Variants in TENM3 observed in about 807,000 individuals in gnomAD.
TENM3 encodes the protein teneurin-3.
Under a neutral mutation model 255.1 loss-of-function variants are expected in TENM3, and 63 were observed. The observed-to-expected ratio is 0.25, with a 90% CI of 0.20 to 0.30. The LOEUF is 0.30. Among genes scored for constraint, TENM3 ranks in the 10% least tolerant of loss-of-function variants. The pLI is 1.00. For synonymous variants in TENM3, 1,306 were observed against 1,322.3 expected, an observed-to-expected ratio of 0.99 and a Z score of 0.27; for missense variants, 2,929 against 3,461.1, an observed-to-expected ratio of 0.85 and a Z score of 3.86.
At chr4:181,997,141 T>C in the TENM3 span, among the ~76,000 whole-genome samples, 1 of 152,196 alleles carries the variant, frequency 6.6e-6, no homozygotes, top group South Asian at 2.1e-4. Flanking sequence ...TATTCTACTT[T>C]TCAGGTTTGT....
chr4:181,551,317 A>G, the TENM3 span, among the ~76,000 whole-genome samples: 1 of 152,316 alleles, frequency 6.6e-6, no homozygotes, highest in African/African-American at 2.4e-5. Flanking sequence ...TCTAGTTACA[A>G]TTAGTGAAGG....
chr4:182,180,516 C>T (rs953713548), intron 1 of TENM3, among the ~76,000 whole-genome samples: 1 of 151,912 alleles, frequency 6.6e-6, no homozygotes, highest in Non-Finnish European at 1.5e-5. Flanking sequence ...TTTTTTAATA[C>T]TTCTTTAATT....
At chr4:182,489,541 A>G (rs1735075879) in intron 3 of TENM3, among the ~76,000 whole-genome samples, 1 of 152,182 alleles carries the variant, frequency 6.6e-6, no homozygotes, top group South Asian at 2.1e-4. Context: ...TTAGACTTTA[A>G]TAGAAAGAAA....
intron 1 of TENM3, among the ~76,000 whole-genome samples, chr4:182,153,703 T>A (rs745951212): frequency 2.6e-5 from 4 of 152,146 alleles, no homozygotes; most frequent in African/African-American, 4.8e-5. Flanking sequence ...TCACATTATC[T>A]GATGAAAGTA....
chr4:182,187,347 G>A (rs888294358), intron 1 of TENM3, among the ~76,000 whole-genome samples: 2 of 152,158 alleles, frequency 1.3e-5, no homozygotes, highest in East Asian at 1.9e-4. Flanking sequence ...AAGACCAGAT[G>A]CTTTCCTATA....
chr4:181,992,834 C>A, the TENM3 span, among the ~76,000 whole-genome samples: 1 of 151,908 alleles, frequency 6.6e-6, no homozygotes, highest in Non-Finnish European at 1.5e-5. Context: ...CAAAAATATC[C>A]AATGAAATGC....
At chr4:181,536,853 A>G in the TENM3 span, among the ~76,000 whole-genome samples, 1 of 152,264 alleles carries the variant, frequency 6.6e-6, no homozygotes, top group Non-Finnish European at 1.5e-5. Context: ...TGTTTCCTGA[A>G]AGTGTAGTAT....
the TENM3 span, among the ~76,000 whole-genome samples, chr4:181,811,269 G>T: frequency 6.6e-6 from 1 of 152,018 alleles, no homozygotes; most frequent in Non-Finnish European, 1.5e-5. Context: ...TATGTATCTT[G>T]TGAACATCTC....
chr4:182,014,031 T>TACACGTATATAC, the TENM3 span, among the ~76,000 whole-genome samples: 1 of 7,690 alleles, frequency 1.3e-4, no homozygotes, highest in South Asian at 4.8e-3. Context: ...TATACGTATA[T>TACACGTATATAC]ACACATATAT....
chr4:182,117,080 G>A, the TENM3 span, among the ~76,000 whole-genome samples: 24 of 152,108 alleles, frequency 1.6e-4, no homozygotes. Context: ...TTGTCATTGT[G>A]TATCTTCCTT....
chr4:181,746,897 G>C, the TENM3 span, among the ~76,000 whole-genome samples: 1 of 151,904 alleles, frequency 6.6e-6, no homozygotes, highest in Non-Finnish European at 1.5e-5. Flanking sequence ...GTGCCAAAAT[G>C]TATTTAGTCA....
chr4:181,545,767 T>C, the TENM3 span, among the ~76,000 whole-genome samples: 2 of 152,214 alleles, frequency 1.3e-5, no homozygotes, highest in African/African-American at 4.8e-5. Flanking sequence ...GGAAAGAAAT[T>C]CAGCATGTGT....
chr4:182,482,330 C>T lies in TENM3; in HGVS notation c.512-118594C>T, dbSNP rs796418689. Among the ~76,000 whole-genome samples, 3 of 152,124 alleles carry T rather than the reference C, an allele frequency of 2.0e-5. No homozygotes were observed. The South Asian group carries it at 6.2e-4, about 32-fold the overall frequency. On this transcript the variant is annotated intron_variant, in intron 3 of 27. Coordinates refer to ENST00000511685, the MANE Select transcript of TENM3 (RefSeq NM_001080477.4). ...TAAAGTAAACCTAGTTATTAATATGCTTATATCTATATTGTAGATTTTTTG... is the reference window on the plus strand; with the variant it reads ...TAAAGTAAACCTAGTTATTAATATGTTTATATCTATATTGTAGATTTTTTG...
At chr4:182,431,515 G>GAAAA (rs1771644033) in intron 3 of TENM3, among the ~76,000 whole-genome samples, 1 of 152,000 alleles carries the variant, frequency 6.6e-6, no homozygotes, top group African/African-American at 2.4e-5. Flanking sequence ...GAAAAGAAAA[G>GAAAA]GATGGGTGAG....
chr4:182,088,732 G>T, the TENM3 span, among the ~76,000 whole-genome samples: 2 of 151,726 alleles, frequency 1.3e-5, no homozygotes, highest in Non-Finnish European at 2.9e-5. Flanking sequence ...TACTCAGGAG[G>T]CTGAGGCAGG....
chr4:182,633,549 G>A (rs1326838283), intron 5 of TENM3, among the ~76,000 whole-genome samples: 1 of 152,234 alleles, frequency 6.6e-6, no homozygotes, highest in South Asian at 2.1e-4. Context: ...CCAATGGCTA[G>A]TGAGAAAATC....
At chr4:182,301,213 A>G (rs1440326649) in intron 1 of TENM3, among the ~76,000 whole-genome samples, 2 of 152,184 alleles carry the variant, frequency 1.3e-5, no homozygotes, top group African/African-American at 4.8e-5. Flanking sequence ...AGTCAAACAT[A>G]TGCCAACCAA....
intron 4 of TENM3, among the ~76,000 whole-genome samples, chr4:182,612,464 AG>A (rs964700876): frequency 6.6e-6 from 1 of 152,152 alleles, no homozygotes; most frequent in Non-Finnish European, 1.5e-5. Flanking sequence ...GACTGAGTAT[AG>A]GTTCCACGAT....
the TENM3 span, among the ~76,000 whole-genome samples, chr4:181,482,994 C>T: frequency 6.6e-6 from 1 of 152,092 alleles, no homozygotes; most frequent in Non-Finnish European, 1.5e-5. Context: ...AAATAAGTGA[C>T]ACCATTCTTT....
Sources: allele counts gnomAD v4.1 joint callset (sites outside exome capture counted in the v4.1 genomes callset), GRCh38; gene constraint gnomAD v4.1.1; transcripts MANE v1.5; gene names NCBI Gene and HGNC (gene_info 2026-07-23, HGNC 2026-07-21).